The following HOMER1 variants were observed in gnomAD, a reference collection of about 807,000 sequenced individuals.
HOMER1 encodes homer scaffold protein 1, also known as homer protein homolog 1.
Under a neutral mutation model 48.9 loss-of-function variants are expected in HOMER1, and 3 were observed. The observed-to-expected ratio is 0.06, with a 90% CI of 0.03 to 0.16. The LOEUF is 0.16. HOMER1 is among the 10% of genes least tolerant of loss of function. The pLI is 1.00. For missense variants in HOMER1, 247 were observed against 411.4 expected (o/e 0.60, Z 3.46); for synonymous variants, 134 against 146.4 (o/e 0.92, Z 0.61).
chr5:79,442,273 A>T (rs1750757449), intron 4 of HOMER1, among the ~76,000 whole-genome samples: 1 of 152,218 alleles, frequency 6.6e-6, no homozygotes, highest in Admixed American at 6.5e-5. Flanking sequence ...ATTATAAAAA[A>T]GGCACCTGAG....
intron 8 of HOMER1, among the ~76,000 whole-genome samples, chr5:79,382,908 G>T (rs1014892100): frequency 6.6e-6 from 1 of 152,164 alleles, no homozygotes; most frequent in Non-Finnish European, 1.5e-5. Flanking sequence ...AATGAAAATG[G>T]ATTACATTCT....
intron 1 of HOMER1, among the ~76,000 whole-genome samples, chr5:79,497,527 A>G (rs542487064): frequency 1.3e-5 from 2 of 152,042 alleles, no homozygotes; most frequent in African/African-American, 4.8e-5. Flanking sequence ...TTAGCCAGGC[A>G]TGGTGTACTC....
At chr5:79,425,797 G>A (rs1462124625) in intron 5 of HOMER1, among the ~76,000 whole-genome samples, 4 of 151,804 alleles carry the variant, frequency 2.6e-5, no homozygotes, top group East Asian at 3.9e-4. Context: ...CTATTATTTC[G>A]TAGAGCCAAA....
rs564543754 is a variant in HOMER1, at chr5:79,487,228, G to A, written c.5+25542C>T. ...CGGGAGGCAGAGGTTGCAGTGAGCC[G>A]AGACAGCACCACTGCACCCCTGCCT... On this transcript the variant is annotated intron_variant, in intron 1 of 8. Transcript: ENST00000334082. Among the ~76,000 whole-genome samples, 324 of 152,266 alleles carry A rather than the reference G, an allele frequency of 2.1e-3. 1 individual carries two copies. Among genetic ancestry groups the A allele is most frequent in the Non-Finnish European group, 1.9e-3 (127 of 68,020 alleles).
At chr5:79,462,155 C>T (rs1579998866) in intron 1 of HOMER1, among the ~76,000 whole-genome samples, 1 of 152,120 alleles carries the variant, frequency 6.6e-6, no homozygotes, top group Non-Finnish European at 1.5e-5. Flanking sequence ...GCCAAGATCA[C>T]GCCACTGCAC....
At chr5:79,457,120 T>C in intron 1 of HOMER1, 102 bp from the exon 2 acceptor site, 1 of 1,074,732 alleles carries the variant, frequency 9.3e-7, no homozygotes, top group Non-Finnish European at 1.4e-6. Flanking sequence ...TAATCAACAA[T>C]TTCCACATAC....
chr5:79,468,620 CGACA>C (rs1751539735), intron 1 of HOMER1, among the ~76,000 whole-genome samples: 1 of 152,124 alleles, frequency 6.6e-6, no homozygotes, highest in Admixed American at 6.5e-5. Context: ...ATTTCCTTAT[CGACA>C]GACATATAAG....
chr5:79,448,496 C>T (rs565679182), intron 3 of HOMER1, among the ~76,000 whole-genome samples: 19 of 152,128 alleles, frequency 1.2e-4, no homozygotes, highest in Non-Finnish European at 2.8e-4. Context: ...TCTAACAATC[C>T]AAGCATAGCT....
intron 4 of HOMER1, among the ~76,000 whole-genome samples, chr5:79,446,037 T>A (rs1234119181): frequency 1.3e-5 from 2 of 152,208 alleles, no homozygotes; most frequent in African/African-American, 2.4e-5. Context: ...TTTAAAAAAA[T>A]TTTCTGGCTG....
At chr5:79,389,844 T>C (rs1749203316) in intron 8 of HOMER1, among the ~76,000 whole-genome samples, 2 of 152,050 alleles carry the variant, frequency 1.3e-5, no homozygotes, top group South Asian at 2.1e-4. Flanking sequence ...CAAATGTAGA[T>C]GATAGTTAAA....
intron 1 of HOMER1, among the ~76,000 whole-genome samples, chr5:79,478,047 C>T (rs1314396742): frequency 1.3e-5 from 2 of 152,102 alleles, no homozygotes; most frequent in East Asian, 1.9e-4. Flanking sequence ...CATAATTAGT[C>T]TTGGGAAGCA....
intron 1 of HOMER1, among the ~76,000 whole-genome samples, chr5:79,462,153 C>T (rs1293877950): frequency 6.6e-6 from 1 of 152,112 alleles, no homozygotes; most frequent in Admixed American, 6.6e-5. Flanking sequence ...GAGCCAAGAT[C>T]ACGCCACTGC....
intron 5 of HOMER1, among the ~76,000 whole-genome samples, chr5:79,410,713 CCTTT>C (rs1188958203): frequency 1.1e-4 from 17 of 151,706 alleles, no homozygotes; most frequent in African/African-American, 3.6e-4. Flanking sequence ...AAAAAAAGTT[CCTTT>C]CTTTAATATT....
chr5:79,446,390 C>T (rs986003398), intron 4 of HOMER1, among the ~76,000 whole-genome samples: 7 of 152,172 alleles, frequency 4.6e-5, no homozygotes, highest in Non-Finnish European at 1.0e-4. Context: ...TCTTGACCAC[C>T]TTAAGACTTT....
rs542343374 is a variant in HOMER1, at chr5:79,425,741, C to T, written c.527+13269G>A. 2.0e-5 allele frequency among the ~76,000 whole-genome samples: 3 copies of T among 151,864 alleles called. No individual in the cohort carries two copies. In the South Asian group the frequency reaches 6.2e-4, roughly 32 times the overall value. ...TGACATGGTTCTTCACATAACTTAA[C>T]AAATTACTAGTATCCATTCTCTGTA... On this transcript the variant is annotated intron_variant, in intron 5 of 8. Coordinates refer to ENST00000334082, the MANE Select transcript of HOMER1 (RefSeq NM_004272.5).
chr5:79,377,107 A>G (rs1748791676), intron 8 of HOMER1, among the ~76,000 whole-genome samples: 1 of 152,260 alleles, frequency 6.6e-6, no homozygotes, highest in Non-Finnish European at 1.5e-5. Context: ...CTGGGATTAC[A>G]GGCACACGCC....
chr5:79,444,523 T>C (rs1228093611), intron 4 of HOMER1, among the ~76,000 whole-genome samples: 1 of 152,246 alleles, frequency 6.6e-6, no homozygotes, highest in Non-Finnish European at 1.5e-5. Context: ...ATAGTATTTT[T>C]CAAATATAAG....
At chr5:79,512,159 C>G (rs1752962370) in intron 1 of HOMER1, among the ~76,000 whole-genome samples, 1 of 152,094 alleles carries the variant, frequency 6.6e-6, no homozygotes, top group Admixed American at 6.6e-5. Context: ...TGAACAAGTT[C>G]CTTAAACAAA....
At chr5:79,487,449 A>G (rs530934545) in intron 1 of HOMER1, among the ~76,000 whole-genome samples, 2 of 152,308 alleles carry the variant, frequency 1.3e-5, no homozygotes, top group African/African-American at 2.4e-5. Flanking sequence ...CACCCATGAC[A>G]TAGCTTGGGA....
Sources: allele counts gnomAD v4.1 joint callset (sites outside exome capture counted in the v4.1 genomes callset), GRCh38; gene constraint gnomAD v4.1.1; transcripts MANE v1.5; gene names NCBI Gene and HGNC (gene_info 2026-07-23, HGNC 2026-07-21).